The following RAPGEF6 variants were observed in gnomAD, a reference collection of about 807,000 sequenced individuals.
RAPGEF6 encodes the protein PDZ domain containing guanine nucleotide exchange factor (GEF) 2.
A neutral mutation model predicts 171.4 loss-of-function variants in RAPGEF6; 56 were observed. The observed-to-expected ratio is 0.33, with a 90% CI of 0.26 to 0.41. The LOEUF (loss-of-function observed/expected upper bound fraction) is 0.41, where lower values mean the gene tolerates loss of function less well. Ranked by LOEUF, RAPGEF6 falls within the 10% of genes least tolerant of loss-of-function variation. The probability of loss-of-function intolerance (pLI) is 1.00; values close to 1 mark genes in which losing one functional copy is unlikely to be tolerated. For synonymous variants in RAPGEF6, 692 were observed against 650.1 expected, an observed-to-expected ratio of 1.06 and a Z score of -0.98; for missense variants, 1,674 against 1,921.4, an observed-to-expected ratio of 0.87 and a Z score of 2.41.
Position 131,510,466 on chromosome 5 carries a change from A to G in RAPGEF6, c.653T>C (p.Val218Ala), listed in dbSNP as rs138241788. ...YQATESEVGD[V>A]DLTRLPEGPV... ...TCCTTCTGGAAGACGTGTCAAATCTACATCTCCTACCTCACTCTCCGTAGC... is the reference window on the plus strand; with the variant it reads ...TCCTTCTGGAAGACGTGTCAAATCTGCATCTCCTACCTCACTCTCCGTAGC... The change falls in exon 8 of 28, where the codon GTA becomes GCA. Residue 218 changes from valine to alanine, a missense_variant. Physicochemically the swap from Val to Ala is moderately conservative, Grantham distance 64. Transcript: ENST00000509018. 5.6e-6 allele frequency: 9 copies of G among 1,613,910 alleles called. No individual in the cohort carries two copies. The African/African-American group carries it at 1.1e-4, about 19-fold the overall frequency.
chr5:131,560,647 T>C (rs1345387257), intron 5 of RAPGEF6, among the ~76,000 whole-genome samples: 1 of 152,172 alleles, frequency 6.6e-6, no homozygotes, highest in African/African-American at 2.4e-5. Flanking sequence ...GAAAATAAAT[T>C]TGAAACAATA....
chr5:131,429,404 A>G (rs1440282654), intron 26 of RAPGEF6, among the ~76,000 whole-genome samples, 188 bp from the exon 27 acceptor site: 3 of 152,220 alleles, frequency 2.0e-5, no homozygotes, highest in African/African-American at 7.2e-5. Context: ...AAAATACATA[A>G]ACAACTATAT....
intron 5 of RAPGEF6, among the ~76,000 whole-genome samples, chr5:131,553,927 AT>A (rs1367714186): frequency 6.6e-6 from 1 of 152,056 alleles, no homozygotes; most frequent in Non-Finnish European, 1.5e-5. Context: ...GAAAAAAAAA[AT>A]GTCAAGAAGA....
At chr5:131,432,025 T>C (rs1163333047) in intron 25 of RAPGEF6, among the ~76,000 whole-genome samples, 2 of 152,160 alleles carry the variant, frequency 1.3e-5, no homozygotes, top group East Asian at 1.9e-4. Context: ...GAATAATTTA[T>C]AGCAGGGGTC....
Position 131,442,455 on chromosome 5 carries a change from A to C in RAPGEF6, c.3504T>G (p.Thr1168=), listed in dbSNP as rs1294419922. Residue 1168 remains threonine, a synonymous_variant, in exon 23 of 28, where the codon ACT becomes ACG. Transcript: ENST00000509018. ...TGTGGGGTTGATGCAAGTGGGCTTT[A>C]GTTGTTTGGCCAGCTGACCTCATAG... The part of the protein sequence containing the change: ...PVPMRSAGQT[T]KAHLHQPHRV... 6.2e-7 allele frequency: 1 copy of C among 1,614,188 alleles called. No homozygotes were observed. Among genetic ancestry groups the C allele is most frequent in the Admixed American group, 1.7e-5 (1 of 60,024 alleles).
rs370423294 is a variant in RAPGEF6, at chr5:131,431,172, G to C, written c.4152C>G (p.Ser1384Arg). 125 of 1,614,084 alleles carry C rather than the reference G, an allele frequency of 7.7e-5. No homozygotes were observed. The highest frequency in any genetic ancestry group is 1.0e-4 in the Non-Finnish European group (120 of 1,180,026). ...DNFQSLPNPK[S>R]WDFLNSYRHT... ...GTCTGTAAGAGTTCAAAAAATCCCAGCTTTTTGGGTTTGGAAGGCTTTGGA... is the reference window on the plus strand; with the variant it reads ...GTCTGTAAGAGTTCAAAAAATCCCACCTTTTTGGGTTTGGAAGGCTTTGGA... The change falls in exon 26 of 28, where the codon AGC becomes AGG. Residue 1384 changes from serine to arginine, a missense_variant. By Grantham distance (110) the Ser-to-Arg change is moderately radical. Coordinates refer to ENST00000509018, the MANE Select transcript of RAPGEF6 (RefSeq NM_016340.6).
chr5:131,445,493 C>CTGTGTGTGTGTG lies in RAPGEF6; in HGVS notation c.3421+978_3421+989dup, dbSNP rs11269268. On this transcript the variant is annotated intron_variant, in intron 22 of 27. Transcript: ENST00000509018. ...TTTATGGGCAAATTTAACTCACTCT[C>CTGTGTGTGTGTG]TGTGTGTGTGTGTGTGTGTGTGTGT... Among the ~76,000 whole-genome samples, 314 of 147,326 alleles carry CTGTGTGTGTGTG rather than the reference C, an allele frequency of 2.1e-3. 1 individual carries two copies. The highest frequency in any genetic ancestry group is 7.0e-3 in the Middle Eastern group (2 of 286).
chr5:131,593,513 G>GCCAA (rs1384218946), intron 3 of RAPGEF6, among the ~76,000 whole-genome samples: 1 of 152,180 alleles, frequency 6.6e-6, no homozygotes, highest in African/African-American at 2.4e-5. Flanking sequence ...ATGGTTTGGA[G>GCCAA]GACTCAGAAA....
chr5:131,509,970 A>T (rs1359891000), intron 8 of RAPGEF6, among the ~76,000 whole-genome samples: 1 of 152,240 alleles, frequency 6.6e-6, no homozygotes, highest in Non-Finnish European at 1.5e-5. Context: ...CCCCTTAAGT[A>T]TGTTGTAAGG....
chr5:131,631,814 C>T (rs529675790), intron 1 of RAPGEF6, among the ~76,000 whole-genome samples: 1 of 152,244 alleles, frequency 6.6e-6, no homozygotes, highest in African/African-American at 2.4e-5. Flanking sequence ...TGGTGGCTCA[C>T]GCCTGTAATC....
intron 4 of RAPGEF6, among the ~76,000 whole-genome samples, chr5:131,575,858 T>A (rs1032697639): frequency 9.9e-5 from 15 of 152,140 alleles, no homozygotes; most frequent in African/African-American, 3.6e-4. Context: ...AACCTCACAG[T>A]TCTAGGCTGG....
intron 15 of RAPGEF6, among the ~76,000 whole-genome samples, chr5:131,482,932 T>C (rs941518772): frequency 6.6e-6 from 1 of 152,184 alleles, no homozygotes; most frequent in Non-Finnish European, 1.5e-5. Context: ...GAGAACAAGC[T>C]AGAGATGAGG....
chr5:131,630,169 C>T (rs2150043237), intron 1 of RAPGEF6, among the ~76,000 whole-genome samples: 1 of 152,336 alleles, frequency 6.6e-6, no homozygotes, highest in Non-Finnish European at 1.5e-5. Context: ...CAATCTTCGG[C>T]AACTACCACC....
intron 5 of RAPGEF6, 93 bp from the exon 6 acceptor site, chr5:131,548,283 A>T: frequency 7.7e-7 from 1 of 1,295,030 alleles, no homozygotes; most frequent in Non-Finnish European, 1.1e-6. Context: ...AGGAAGCTTC[A>T]TTTACTTCTT....
At chr5:131,584,604 A>G (rs1298370151) in intron 4 of RAPGEF6, among the ~76,000 whole-genome samples, 2 of 152,168 alleles carry the variant, frequency 1.3e-5, no homozygotes, top group Non-Finnish European at 2.9e-5. Flanking sequence ...AACTCCCTCA[A>G]TTACTCCTGC....
At position 131,464,046 on chromosome 5, in the gene RAPGEF6, A is replaced by G. The variant is rs748127397; in HGVS notation, c.2475T>C (p.Asn825=). The G allele has an allele frequency of 1.9e-6, 3 of 1,590,290 alleles. No individual in the cohort carries two copies. In the East Asian group the frequency reaches 6.7e-5, roughly 36 times the overall value. ...CCACTAATAAGCTTATTCACCTTCC[A>G]TTGAGTTGAATTCTATCAGCTAATT... ...FSKLADRIQL[N]GRYYLKNNME... Residue 825 remains asparagine (N), a synonymous_variant, in exon 18 of 28, where the codon AAT becomes AAC. Transcript: ENST00000509018.
chr5:131,521,893 T>A (rs58048353), intron 6 of RAPGEF6, among the ~76,000 whole-genome samples: 42,546 of 93,892 alleles, frequency 0.45, 8,320 homozygotes, highest in Non-Finnish European at 0.58. Context: ...ACACACACAC[T>A]CTCTCTCTCT....
rs759727812 is a variant in RAPGEF6 at position 131,492,687 on chromosome 5, T to C, written c.1626A>G (p.Leu542=). The change falls in exon 14 of 28, where the codon CTA becomes CTG. Residue 542 remains leucine, a synonymous_variant. Coordinates refer to ENST00000509018, the MANE Select transcript of RAPGEF6 (RefSeq NM_016340.6). ...VLQKASRESP[L]QFSLNGGSEK... ...CACTCCCTCCATTAAGGCTGAATTGTAGAGGGGACTCGCGGGAAGCCTTTT... is the reference window on the plus strand; with the variant it reads ...CACTCCCTCCATTAAGGCTGAATTGCAGAGGGGACTCGCGGGAAGCCTTTT... The C allele has an allele frequency of 8.5e-5, 137 of 1,614,070 alleles. No individual in the cohort carries two copies. The highest frequency in any genetic ancestry group is 1.1e-4 in the Non-Finnish European group (126 of 1,180,010).
At chr5:131,477,704 T>C (rs1755197944) in intron 16 of RAPGEF6, among the ~76,000 whole-genome samples, 1 of 151,936 alleles carries the variant, frequency 6.6e-6, no homozygotes, top group African/African-American at 2.4e-5. Flanking sequence ...TTGAAGAGAG[T>C]TGTAATTACA....
Sources: gnomAD v4.1 joint callset for allele counts (sites outside exome capture counted in the v4.1 genomes callset) on GRCh38, gnomAD v4.1.1 for gene constraint, MANE v1.5 for transcripts, NCBI Gene and HGNC (gene_info 2026-07-23, HGNC 2026-07-21) for gene names.